H6PD: variants seen among roughly 807,000 people sequenced by gnomAD.
H6PD encodes the protein GDH/6PGL endoplasmic bifunctional protein.
Under a neutral mutation model 61.2 loss-of-function variants are expected in H6PD, and 48 were observed. The observed-to-expected ratio is 0.78, with a 90% CI of 0.62 to 1.00. The LOEUF is 1.00. H6PD is among the 50% of genes least tolerant of loss of function. The pLI is 0.00. For missense variants in H6PD, 1,093 were observed against 1,065.0 expected (o/e 1.03, Z -0.37); for synonymous variants, 480 against 457.9 (o/e 1.05, Z -0.62).
rs1641655169 is a variant in H6PD at position 9,259,726 on chromosome 1, TTGTTGTTACACCGGTGTTATGTTGC to T, written c.746-2321_746-2297del. On this transcript the variant is annotated intron_variant, in intron 3 of 4. Transcript: ENST00000377403. Reference sequence around the variant, plus strand: ...CTGTTGTTACGCCAGTGTTGTTATATTGTTGTTACACCGGTGTTATGTTGCTGTTGTTACACTGGTGTTACATTGT... The same window carrying T: ...CTGTTGTTACGCCAGTGTTGTTATATTGTTGTTACACTGGTGTTACATTGT... Among the ~76,000 whole-genome samples, 3 of 152,270 alleles carry T rather than the reference TTGTTGTTACACCGGTGTTATGTTGC, an allele frequency of 2.0e-5. No homozygotes were observed. In the South Asian group the frequency reaches 6.2e-4, roughly 32 times the overall value.
chr1:9,262,581 A>G (rs1028800628), intron 4 of H6PD, among the ~76,000 whole-genome samples: 4 of 152,216 alleles, frequency 2.6e-5, no homozygotes, highest in Non-Finnish European at 5.9e-5. Context: ...GTTCAGTCCC[A>G]GATGCTTCCC....
At position 9,264,273 on chromosome 1, in the gene H6PD, A is replaced by G. The variant is rs752649298; in HGVS notation, c.1780A>G (p.Ser594Gly). 6.2e-7 allele frequency: 1 copy of G among 1,609,938 alleles called. No individual in the cohort carries two copies. Among genetic ancestry groups the G allele is most frequent in the African/African-American group, 1.3e-5 (1 of 74,842 alleles). ...CCACCTGGCACTGTCGGGGGGCTCG[A>G]GCCCCGTGGCCCTGTTCCAGCAGCT... ...QFHLALSGGS[S>G]PVALFQQLAT... The change falls in exon 5 of 5, where the codon AGC (serine) becomes GGC (glycine). Residue 594 changes from serine to glycine, a missense_variant. Transcript: ENST00000377403.
chr1:9,250,593 T>A (rs1641331429), intron 3 of H6PD, among the ~76,000 whole-genome samples: 2 of 151,912 alleles, frequency 1.3e-5, no homozygotes, highest in South Asian at 4.1e-4. Context: ...CTGCCAAGGG[T>A]TCTGGTGGAT....
At chr1:9,238,209 G>C (rs2100303468) in intron 1 of H6PD, among the ~76,000 whole-genome samples, 1 of 152,338 alleles carries the variant, frequency 6.6e-6, no homozygotes, top group East Asian at 1.9e-4. Flanking sequence ...GAGAGAACAA[G>C]TGCAAAGGCC....
chr1:9,250,808 C>T (rs2100348748), intron 3 of H6PD, among the ~76,000 whole-genome samples: 1 of 152,318 alleles, frequency 6.6e-6, no homozygotes, highest in East Asian at 1.9e-4. Flanking sequence ...GGATGTCTTC[C>T]CCCACCCGCA....
chr1:9,246,195 C>T (rs781448963), intron 2 of H6PD, among the ~76,000 whole-genome samples: 16 of 152,198 alleles, frequency 1.1e-4, no homozygotes, highest in South Asian at 2.1e-4. Context: ...CCGCTCACTT[C>T]GGCCTCCCAA....
At chr1:9,256,800 G>A (rs1290035267) in intron 3 of H6PD, among the ~76,000 whole-genome samples, 2 of 152,200 alleles carry the variant, frequency 1.3e-5, no homozygotes, top group African/African-American at 4.8e-5. Flanking sequence ...TCTCCTGCGT[G>A]TCCCTCCCCA....
chr1:9,246,189 T>A (rs537293975), intron 2 of H6PD, among the ~76,000 whole-genome samples: 1 of 152,148 alleles, frequency 6.6e-6, no homozygotes, highest in Non-Finnish European at 1.5e-5. Context: ...AGTGATCCGC[T>A]CACTTCGGCC....
Position 9,245,668 on chromosome 1 carries a change from A to G in H6PD, c.627+107A>G. 1.8e-6 allele frequency: 2 copies of G among 1,114,694 alleles called. No individual in the cohort carries two copies. The highest frequency in any genetic ancestry group is 1.3e-6 in the Non-Finnish European group (1 of 744,876). The allele number at this position is 1,114,694 out of a possible 1,614,324, so 69.1% of individuals were successfully genotyped here. ...TGGAGCTAGGCCCCAAGGCATTGTG[A>G]ACTCAGAGCTCCCATGGTCTCCTTG... is the stretch of plus-strand genomic sequence containing the variant. On this transcript the variant is annotated intron_variant, in intron 2 of 4. Coordinates refer to ENST00000377403, the MANE Select transcript of H6PD (RefSeq NM_004285.4). This position sits in a 1 kb window ranked among gnomAD's most constrained non-coding sequence, Gnocchi z 4.8.
chr1:9,237,066 C>G (rs1369422965), intron 1 of H6PD, among the ~76,000 whole-genome samples: 1 of 152,024 alleles, frequency 6.6e-6, no homozygotes, highest in Non-Finnish European at 1.5e-5. Flanking sequence ...TGGTTTAAAC[C>G]ACTGTTCAGT....
chr1:9,262,356 C>G, intron 4 of H6PD, 28 bp downstream of exon 4: 2 of 1,579,510 alleles, frequency 1.3e-6, no homozygotes. Flanking sequence ...GCATGGGGCA[C>G]TGGGCTGCCC....
At chr1:9,249,440 C>T (rs1019728225) in intron 3 of H6PD, among the ~76,000 whole-genome samples, 1 of 152,196 alleles carries the variant, frequency 6.6e-6, no homozygotes, top group African/African-American at 2.4e-5. Context: ...AGCAACACAA[C>T]AGCCTGGGCT....
rs1350762338 is a variant in H6PD at position 9,264,136 on chromosome 1, C to T, written c.1643C>T (p.Ala548Val). The change falls in exon 5 of 5, where the codon GCC becomes GTC. Residue 548 changes from alanine to valine, a missense_variant. Physicochemically the swap from Ala to Val is moderately conservative, Grantham distance 64 (BLOSUM62 0). Transcript: ENST00000377403. ...PMPSDFQVLR[A>V]KYRESPLVSA... ...CCCAGTGACTTCCAGGTCCTCAGGGCCAAGTACCGAGAGAGCCCGCTGGTC... is the reference window on the plus strand; with the variant it reads ...CCCAGTGACTTCCAGGTCCTCAGGGTCAAGTACCGAGAGAGCCCGCTGGTC... 1.2e-6 allele frequency: 2 copies of T among 1,613,622 alleles called. No individual in the cohort carries two copies. Among genetic ancestry groups the T allele is most frequent in the Non-Finnish European group, 1.7e-6 (2 of 1,179,840 alleles).
At chr1:9,249,029 C>T (rs1046714808) in intron 3 of H6PD, among the ~76,000 whole-genome samples, 31 of 152,214 alleles carry the variant, frequency 2.0e-4, no homozygotes, top group African/African-American at 7.2e-4. Context: ...TGGAGGGGGT[C>T]CTGCCCCTGC....
At chr1:9,239,298 C>T (rs952973620) in intron 1 of H6PD, among the ~76,000 whole-genome samples, 2 of 152,198 alleles carry the variant, frequency 1.3e-5, no homozygotes, top group Non-Finnish European at 2.9e-5. Context: ...CCTCCCGTCT[C>T]AGTCTCCCAA....
Position 9,265,048 on chromosome 1 carries a change from G to A in H6PD, c.*179G>A. The stretch of plus-strand genomic sequence containing the variant: ...CCCGATGCCTTTGACCGGCAGCTCT[G>A]TGTATTGGTGGATAGATGCAGAAAC... On this transcript the variant is annotated 3_prime_UTR_variant, in exon 5 of 5. Transcript: ENST00000377403. 1.5e-6 allele frequency: 1 copy of A among 681,532 alleles called. No individual in the cohort carries two copies. Among genetic ancestry groups the A allele is most frequent in the South Asian group, 1.6e-5 (1 of 61,320 alleles). 42.2% of individuals were successfully genotyped at this position (681,532 alleles called of 1,614,324 possible).
In H6PD at chr1:9,246,958, C is replaced by A. The variant is rs4601607; in HGVS notation, c.628-8C>A. The stretch of plus-strand genomic sequence containing the variant: ...CCTGCAGCACGCCCAGTCTTCCCCC[C>A]CCGACAGGCTGTGGCGCAGATCCTG... On this transcript the variant is annotated splice_region_variant and splice_polypyrimidine_tract_variant and intron_variant, in intron 2 of 4. Coordinates refer to ENST00000377403, the MANE Select transcript of H6PD (RefSeq NM_004285.4). The A allele has an allele frequency of 2.4e-4, 388 of 1,596,982 alleles. No individual in the cohort carries two copies. The highest frequency in any genetic ancestry group is 6.6e-4 in the Middle Eastern group (4 of 6,028).
intron 1 of H6PD, among the ~76,000 whole-genome samples, chr1:9,237,473 T>G (rs9434726): frequency 4.6e-4 from 70 of 152,182 alleles, no homozygotes; most frequent in African/African-American, 1.5e-3. Flanking sequence ...CCTCCAATGA[T>G]CCTCCTGCCT....
chr1:9,253,468 A>T (rs1570104975), intron 3 of H6PD, among the ~76,000 whole-genome samples: 1 of 152,090 alleles, frequency 6.6e-6, no homozygotes, highest in Admixed American at 6.5e-5. Flanking sequence ...ATATAAATCC[A>T]CTGTAATTCA....
Sources: gnomAD v4.1 joint callset for allele counts (sites outside exome capture counted in the v4.1 genomes callset) on GRCh38, gnomAD v4.1.1 for gene constraint, Gnocchi (gnomAD v3.1) non-coding constraint, MANE v1.5 for transcripts, NCBI Gene and HGNC (gene_info 2026-07-23, HGNC 2026-07-21) for gene names.